Variants in SGCZ observed in about 807,000 individuals in gnomAD.
SGCZ encodes sarcoglycan zeta, also known as zeta-sarcoglycan.
A neutral mutation model predicts 41.3 loss-of-function variants in SGCZ; 40 were observed. The observed-to-expected ratio is 0.97, with a 90% CI of 0.75 to 1.26. The LOEUF is 1.26. SGCZ is among the 50% of genes most tolerant of loss of function. SGCZ has a pLI of 0.00. For synonymous variants in SGCZ, 206 were observed against 137.5 expected, an observed-to-expected ratio of 1.50 and a Z score of -3.49; for missense variants, 552 against 369.8, an observed-to-expected ratio of 1.49 and a Z score of -4.04.
chr8:14,676,073 G>A (rs1331093010), intron 1 of SGCZ, among the ~76,000 whole-genome samples: 3 of 152,180 alleles, frequency 2.0e-5, no homozygotes, highest in African/African-American at 7.2e-5. Context: ...AATGAAGTGG[G>A]AGGAATAATT....
intron 1 of SGCZ, among the ~76,000 whole-genome samples, chr8:15,001,728 C>CAAAAAAAA (rs1223307583): frequency 6.2e-5 from 5 of 81,030 alleles, no homozygotes; most frequent in East Asian, 3.5e-4. Flanking sequence ...GACTCCGTCT[C>CAAAAAAAA]AAAAAAAAAA....
At chr8:15,069,790 A>G (rs1038749404) in intron 1 of SGCZ, among the ~76,000 whole-genome samples, 3 of 152,192 alleles carry the variant, frequency 2.0e-5, no homozygotes, top group African/African-American at 7.2e-5. Context: ...ACAAAATGCA[A>G]TACATTACTT....
chr8:14,862,595 C>T (rs1803793793), intron 1 of SGCZ, among the ~76,000 whole-genome samples: 1 of 93,858 alleles, frequency 1.1e-5, no homozygotes, highest in African/African-American at 4.0e-5. Context: ...CACACAATTG[C>T]AAAACATACA....
intron 3 of SGCZ, among the ~76,000 whole-genome samples, chr8:14,280,747 T>C (rs1585314783): frequency 6.6e-6 from 1 of 151,790 alleles, no homozygotes; most frequent in East Asian, 1.9e-4. Flanking sequence ...AGTTATGTTC[T>C]TATACTTTTG....
At chr8:14,285,045 G>C (rs912907240) in intron 3 of SGCZ, among the ~76,000 whole-genome samples, 1 of 152,098 alleles carries the variant, frequency 6.6e-6, no homozygotes, top group African/African-American at 2.4e-5. Flanking sequence ...TAGAGTGAGA[G>C]ACTTATTACA....
At chr8:14,938,778 C>T (rs1333156872) in intron 1 of SGCZ, among the ~76,000 whole-genome samples, 1 of 151,904 alleles carries the variant, frequency 6.6e-6, no homozygotes, top group Non-Finnish European at 1.5e-5. Context: ...TGTGTTCCCA[C>T]TTATAAGTAG....
chr8:14,718,746 A>T (rs991598302), intron 1 of SGCZ, among the ~76,000 whole-genome samples: 6 of 151,736 alleles, frequency 4.0e-5, no homozygotes, highest in Non-Finnish European at 7.4e-5. Flanking sequence ...CTAAGATTTT[A>T]TTAATGAAGC....
intron 1 of SGCZ, among the ~76,000 whole-genome samples, chr8:14,961,040 G>A (rs1258947823): frequency 6.6e-6 from 1 of 151,772 alleles, no homozygotes; most frequent in Non-Finnish European, 1.5e-5. Flanking sequence ...ATCCATGGAC[G>A]TCCTTTTATG....
chr8:15,207,299 T>G (rs2054059), intron 1 of SGCZ, among the ~76,000 whole-genome samples: 2 of 152,102 alleles, frequency 1.3e-5, no homozygotes, highest in African/African-American at 4.8e-5. Flanking sequence ...TAGCGGGAAT[T>G]ATTTTCTGGG....
chr8:14,667,305 T>C (rs1298982562), intron 1 of SGCZ, among the ~76,000 whole-genome samples: 2 of 152,166 alleles, frequency 1.3e-5, no homozygotes. Flanking sequence ...ATTTGGCTCC[T>C]AGAGAAGCGG....
chr8:14,459,207 A>C (rs1274039029), intron 2 of SGCZ, among the ~76,000 whole-genome samples: 1 of 152,110 alleles, frequency 6.6e-6, no homozygotes, highest in Non-Finnish European at 1.5e-5. Context: ...CATAGGTGGG[A>C]ATTGAACAAT....
At chr8:14,242,216 T>C (rs992762284) in intron 3 of SGCZ, among the ~76,000 whole-genome samples, 1 of 152,210 alleles carries the variant, frequency 6.6e-6, no homozygotes, top group Non-Finnish European at 1.5e-5. Context: ...TAGCTTCAGA[T>C]GCTCATTCTC....
At chr8:14,997,884 C>T (rs532453257) in intron 1 of SGCZ, among the ~76,000 whole-genome samples, 99 of 152,070 alleles carry the variant, frequency 6.5e-4, no homozygotes, top group African/African-American at 2.1e-3. Context: ...TGCTTGAACC[C>T]GGGAGGCGGA....
At chr8:14,660,031 A>C (rs1807698025) in intron 1 of SGCZ, among the ~76,000 whole-genome samples, 1 of 152,186 alleles carries the variant, frequency 6.6e-6, no homozygotes, top group African/African-American at 2.4e-5. Flanking sequence ...CTAAGAGAGA[A>C]GTTTGAAACA....
intron 4 of SGCZ, among the ~76,000 whole-genome samples, chr8:14,198,445 GGAAGAAAGGAGAGA>G (rs1805345568): frequency 6.6e-6 from 1 of 152,012 alleles, no homozygotes; most frequent in Admixed American, 6.6e-5. Flanking sequence ...AATATAAGAG[GGAAGAAAGGAGAGA>G]GCCAAGGGTT....
At chr8:14,578,527 T>C (rs1804787159) in intron 1 of SGCZ, among the ~76,000 whole-genome samples, 1 of 152,182 alleles carries the variant, frequency 6.6e-6, no homozygotes, top group Admixed American at 6.5e-5. Flanking sequence ...AGATTATATA[T>C]TATTGTCCCA....
At chr8:14,335,828 T>G (rs2117063344) in intron 2 of SGCZ, among the ~76,000 whole-genome samples, 1 of 152,272 alleles carries the variant, frequency 6.6e-6, no homozygotes, top group Admixed American at 6.5e-5. Flanking sequence ...AGCTTGTCAT[T>G]ATACCTGCAT....
chr8:14,926,861 G>C (rs1306959386), intron 1 of SGCZ, among the ~76,000 whole-genome samples: 1 of 151,962 alleles, frequency 6.6e-6, no homozygotes, highest in African/African-American at 2.4e-5. Context: ...GGAAGGTCGT[G>C]ATCTCCTGAC....
At position 15,140,116 on chromosome 8, in the gene SGCZ, C is replaced by A. The variant is rs79881992; in HGVS notation, c.39+97469G>T. ...GCTCTCTGCAACCATCACTCCCAGG[C>A]TCAAGCAACATTCCTCCTATCTTAG... On this transcript the variant is annotated intron_variant, in intron 1 of 7. Coordinates refer to ENST00000382080, the MANE Select transcript of SGCZ (RefSeq NM_139167.4). 9.7e-3 allele frequency among the ~76,000 whole-genome samples: 1,478 copies of A among 152,134 alleles called. 73 individuals carry two copies. The East Asian group carries it at 0.15, about 15-fold the overall frequency.
Sources: allele counts gnomAD v4.1 joint callset (sites outside exome capture counted in the v4.1 genomes callset), GRCh38; gene constraint gnomAD v4.1.1; transcripts MANE v1.5; gene names NCBI Gene and HGNC (gene_info 2026-07-23, HGNC 2026-07-21).